Variants in PDSS2 observed in about 807,000 individuals in gnomAD.
The protein encoded by PDSS2 is decaprenyl diphosphate synthase subunit 2.
A neutral mutation model predicts 44.5 loss-of-function variants in PDSS2; 31 were observed. The ratio of observed to expected loss-of-function variants is 0.70; its 90% CI spans 0.52 to 0.94. PDSS2 has a LOEUF of 0.94. Among genes scored for constraint, PDSS2 ranks in the 40% least tolerant of loss-of-function variants. The probability of loss-of-function intolerance (pLI) is 0.00; values close to 1 mark genes in which losing one functional copy is unlikely to be tolerated. For missense variants in PDSS2, 452 were observed against 482.2 expected, an observed-to-expected ratio of 0.94 and a Z score of 0.59; for synonymous variants, 157 against 180.3, an observed-to-expected ratio of 0.87 and a Z score of 1.03.
chr6:107,378,986 C>G (rs569096810), intron 1 of PDSS2, among the ~76,000 whole-genome samples: 2 of 152,232 alleles, frequency 1.3e-5, no homozygotes, highest in South Asian at 4.2e-4. Flanking sequence ...AGTTTCTTCA[C>G]CGTAAAGTTA....
At chr6:107,437,895 G>C (rs908453223) in intron 1 of PDSS2, among the ~76,000 whole-genome samples, 4 of 152,158 alleles carry the variant, frequency 2.6e-5, no homozygotes, top group African/African-American at 9.7e-5. Context: ...TTGGTGAAAA[G>C]CACATGACAA....
At chr6:107,218,873 C>T (rs1283950634) in intron 4 of PDSS2, among the ~76,000 whole-genome samples, 2 of 152,248 alleles carry the variant, frequency 1.3e-5, no homozygotes, top group Non-Finnish European at 1.5e-5. Context: ...GCCTGGCCAA[C>T]ATGGTGAAAC....
intron 3 of PDSS2, among the ~76,000 whole-genome samples, chr6:107,265,896 T>C (rs558523611): frequency 1.3e-5 from 2 of 152,244 alleles, no homozygotes; most frequent in Admixed American, 1.3e-4. Flanking sequence ...GCCAAGATCG[T>C]GCCACTGCAC....
intron 1 of PDSS2, among the ~76,000 whole-genome samples, chr6:107,395,422 T>G (rs2114553244): frequency 1.3e-5 from 2 of 152,286 alleles, no homozygotes; most frequent in South Asian, 4.1e-4. Flanking sequence ...TTTAAACCAC[T>G]TGATATTGGC....
chr6:107,239,634 C>CTTTTTTTTTTTTTTTTTT (rs1177940710), intron 4 of PDSS2, among the ~76,000 whole-genome samples: 1 of 76,926 alleles, frequency 1.3e-5, no homozygotes. Flanking sequence ...TGTACTCTAC[C>CTTTTTTTTTTTTTTTTTT]TTTTTTTTTT....
chr6:107,216,673 C>T (rs1773423265), intron 4 of PDSS2, among the ~76,000 whole-genome samples: 1 of 152,086 alleles, frequency 6.6e-6, no homozygotes, highest in Admixed American at 6.6e-5. Context: ...ATAAAACTAA[C>T]AATACCTTTT....
intron 4 of PDSS2, among the ~76,000 whole-genome samples, chr6:107,237,897 G>GAAAAAAAAAAAAAAAAA (rs71551306): frequency 1.2e-5 from 1 of 80,688 alleles, no homozygotes; most frequent in Admixed American, 1.6e-4. Context: ...CTCCGTCTCT[G>GAAAAAAAAAAAAAAAAA]AAAAAAAAAA....
At chr6:107,302,252 C>G (rs1264638155) in intron 2 of PDSS2, among the ~76,000 whole-genome samples, 1 of 151,552 alleles carries the variant, frequency 6.6e-6, no homozygotes, top group Non-Finnish European at 1.5e-5. Flanking sequence ...TTTGGAAATG[C>G]CATCTCATTT....
chr6:107,409,797 TG>T (rs1225194481), intron 1 of PDSS2, among the ~76,000 whole-genome samples: 1 of 152,204 alleles, frequency 6.6e-6, no homozygotes, highest in African/African-American at 2.4e-5. Flanking sequence ...TATTTTCTAA[TG>T]GCAGAGGCAG....
chr6:107,334,874 T>C (rs1777833545), intron 1 of PDSS2, among the ~76,000 whole-genome samples: 1 of 151,880 alleles, frequency 6.6e-6, no homozygotes, highest in African/African-American at 2.4e-5. Flanking sequence ...AGCGACAATC[T>C]CGCTGGTGGC....
At chr6:107,458,968 C>A in intron 1 of PDSS2, 22 bp downstream of exon 1, 1 of 1,612,652 alleles carries the variant, frequency 6.2e-7, no homozygotes, top group South Asian at 1.1e-5. Context: ...GCGAGTGTGT[C>A]AGCGGGAGAG....
chr6:107,212,336 T>C, intron 4 of PDSS2, 54 bp from the exon 5 acceptor site: 1 of 1,407,784 alleles, frequency 7.1e-7, no homozygotes, highest in Non-Finnish European at 9.8e-7. Flanking sequence ...AATTTAATTG[T>C]TTCTGTTTTT....
chr6:107,291,782 G>A (rs986866235), intron 2 of PDSS2, among the ~76,000 whole-genome samples: 1 of 152,080 alleles, frequency 6.6e-6, no homozygotes, highest in African/African-American at 2.4e-5. Flanking sequence ...GGAGGCCAAG[G>A]TGGGAGGACT....
intron 7 of PDSS2, among the ~76,000 whole-genome samples, chr6:107,160,008 G>T (rs911372754): frequency 2.6e-5 from 4 of 152,042 alleles, no homozygotes; most frequent in African/African-American, 9.7e-5. Context: ...TTGAGGTCAG[G>T]AGTTCGAGAT....
rs143883061 is a variant in PDSS2, at chr6:107,347,021, G to C, written c.297-12689C>G. ...GCCCTGAGTAGCCCCCATTCCCACGGAGGCTGGGAAAAGTCTGCAGTACAG... is the reference window on the plus strand; with the variant it reads ...GCCCTGAGTAGCCCCCATTCCCACGCAGGCTGGGAAAAGTCTGCAGTACAG... On this transcript the variant is annotated intron_variant, in intron 1 of 7. Transcript: ENST00000369037. 2.0e-4 allele frequency among the ~76,000 whole-genome samples: 31 copies of C among 152,244 alleles called. No homozygotes were observed. The East Asian group carries it at 5.2e-3, about 26-fold the overall frequency.
intron 1 of PDSS2, among the ~76,000 whole-genome samples, chr6:107,344,604 T>G (rs546264933): frequency 6.6e-6 from 1 of 152,004 alleles, no homozygotes; most frequent in Admixed American, 6.5e-5. Context: ...TTAGGTTTGA[T>G]GAGCATGTGG....
chr6:107,345,260 T>A (rs1204046586), intron 1 of PDSS2, among the ~76,000 whole-genome samples: 2 of 151,176 alleles, frequency 1.3e-5, no homozygotes, highest in Non-Finnish European at 2.9e-5. Context: ...CCAGTTTCAA[T>A]AGAATCTGCC....
chr6:107,377,587 A>G (rs1381567386), intron 1 of PDSS2, among the ~76,000 whole-genome samples: 1 of 152,140 alleles, frequency 6.6e-6, no homozygotes, highest in Non-Finnish European at 1.5e-5. Context: ...ACACGCACAC[A>G]TATGTTTATT....
At chr6:107,164,668 T>C (rs1340369683) in intron 7 of PDSS2, among the ~76,000 whole-genome samples, 7 of 152,348 alleles carry the variant, frequency 4.6e-5, no homozygotes, top group Non-Finnish European at 7.3e-5. Flanking sequence ...TTGTAATCCT[T>C]TGGGTATATA....
Sources: allele counts gnomAD v4.1 joint callset (sites outside exome capture counted in the v4.1 genomes callset), GRCh38; gene constraint gnomAD v4.1.1; transcripts MANE v1.5; gene names NCBI Gene and HGNC (gene_info 2026-07-23, HGNC 2026-07-21).